GOLGA2: variants seen among roughly 807,000 people sequenced by gnomAD.
GOLGA2 encodes golgin subfamily A member 2.
GOLGA2 carries 49 observed loss-of-function variants against 148.8 expected under a neutral mutation model. That is an observed-to-expected ratio of 0.33 (90% CI 0.26 to 0.42). The LOEUF is 0.42. Ranked by LOEUF, GOLGA2 falls within the 10% of genes least tolerant of loss-of-function variation. The pLI, the probability that GOLGA2 is intolerant of heterozygous loss-of-function variation, is 1.00. For synonymous variants in GOLGA2, 501 were observed against 511.8 expected, an observed-to-expected ratio of 0.98 and a Z score of 0.28; for missense variants, 1,178 against 1,304.6, an observed-to-expected ratio of 0.90 and a Z score of 1.49.
rs1252090961 is a variant in GOLGA2 at position 128,258,585 on chromosome 9, A to G, written c.2174-15T>C. On this transcript the variant is annotated splice_polypyrimidine_tract_variant and intron_variant, in intron 21 of 26. Coordinates refer to ENST00000611957, the MANE Select transcript of GOLGA2 (RefSeq NM_001366244.2). This position sits in a 1 kb window ranked among gnomAD's most constrained non-coding sequence, Gnocchi z 6.6. ...CAGTCCATCTCCTATGGGGGTGGCC[A>G]GAGGGGTCATCAGACAACCCAACAA... 2.6e-6 allele frequency: 4 copies of G among 1,544,462 alleles called. No individual in the cohort carries two copies. Among genetic ancestry groups the G allele is most frequent in the Non-Finnish European group, 2.6e-6 (3 of 1,142,330 alleles).
chr9:128,257,818 G>A lies in GOLGA2; in HGVS notation c.2583C>T (p.Ile861=). The part of the protein sequence containing the change: ...ERVEELEHRC[I]QLSGETDTIG... Reference sequence around the variant, plus strand: ...TGGTGTCTGTCTCTCCAGAAAGCTGGATGCAGCGATGTTCCAGTTCCTCTA... The same window carrying A: ...TGGTGTCTGTCTCTCCAGAAAGCTGAATGCAGCGATGTTCCAGTTCCTCTA... The change falls in exon 24 of 27, where the codon ATC becomes ATT. Residue 861 remains isoleucine, a synonymous_variant. Transcript: ENST00000611957. This position sits in a 1 kb window ranked among gnomAD's most constrained non-coding sequence, Gnocchi z 8.0. 6.2e-7 allele frequency: 1 copy of A among 1,614,098 alleles called. No individual in the cohort carries two copies. Among genetic ancestry groups the A allele is most frequent in the Non-Finnish European group, 8.5e-7 (1 of 1,179,960 alleles).
intron 5 of GOLGA2, 34 bp from the exon 6 acceptor site, chr9:128,268,031 G>A: frequency 6.2e-7 from 1 of 1,607,446 alleles, no homozygotes; most frequent in Non-Finnish European, 8.5e-7. Context: ...AGGGGTGCAG[G>A]TGGCTCAATG....
chr9:128,266,857 T>C lies in GOLGA2; in HGVS notation c.642+337A>G, dbSNP rs1359715031. On this transcript the variant is annotated intron_variant, in intron 8 of 26. Transcript: ENST00000611957. The surrounding 1 kb of genome is among the most constrained non-coding windows in gnomAD (Gnocchi z 4.2). Reference sequence around the variant, plus strand: ...AGGAGGAGAGGTGGCTTGTCCCAAATCAAAGAGCAAATTAAGGACTGAGTC... The same window carrying C: ...AGGAGGAGAGGTGGCTTGTCCCAAACCAAAGAGCAAATTAAGGACTGAGTC... The C allele has an allele frequency of 4.7e-6, 2 of 424,446 alleles. No homozygotes were observed. The highest frequency in any genetic ancestry group is 8.0e-5 in the Admixed American group (2 of 25,104). The allele number at this position is 424,446 out of a possible 1,614,324, so 26.3% of individuals were successfully genotyped here.
Position 128,266,358 on chromosome 9 carries a change from G to T in GOLGA2, c.643-33C>A. 1 of 1,600,218 alleles carries T rather than the reference G, an allele frequency of 6.2e-7. No individual in the cohort carries two copies. ...GAAGAGTCAAAGGAAGGTGACTGAGGGTGGCCCCCTCAACTCTATTCCCCA... is the reference window on the plus strand; with the variant it reads ...GAAGAGTCAAAGGAAGGTGACTGAGTGTGGCCCCCTCAACTCTATTCCCCA... On this transcript the variant is annotated intron_variant, in intron 8 of 26. Coordinates refer to ENST00000611957, the MANE Select transcript of GOLGA2 (RefSeq NM_001366244.2). The surrounding 1 kb of genome is among the most constrained non-coding windows in gnomAD (Gnocchi z 4.2).
In GOLGA2 at chr9:128,260,528, T is replaced by C. The variant is rs1279172775; in HGVS notation, c.1695A>G (p.Ala565=). ...MQNDRTTISR[A]LSQNRELKEQ... is the part of the protein sequence containing the mutation. Reference sequence around the variant, plus strand: ...CCTTGAGCTCCCGGTTCTGGGAGAGTGCGCGGCTGATGGTAGTGCGGTCGT... The same window carrying C: ...CCTTGAGCTCCCGGTTCTGGGAGAGCGCGCGGCTGATGGTAGTGCGGTCGT... The change falls in exon 18 of 27, where the codon GCA becomes GCG. Residue 565 remains alanine (A), a synonymous_variant. Transcript: ENST00000611957. The surrounding 1 kb of genome is among the most constrained non-coding windows in gnomAD (Gnocchi z 4.8). 7 of 1,613,278 alleles carry C rather than the reference T, an allele frequency of 4.3e-6. No homozygotes were observed. Among genetic ancestry groups the C allele is most frequent in the Admixed American group, 1.7e-5 (1 of 60,006 alleles).
In GOLGA2 at chr9:128,258,516, GCCTCCTCCTCCTCCTCCTCCTCAT is replaced by G. The variant is rs1588477309; in HGVS notation, c.2204_2227del (p.Asp735_Glu742del). 2.1e-5 allele frequency: 34 copies of G among 1,588,470 alleles called. 2 individuals carry two copies. The South Asian group carries it at 2.3e-4, about 11-fold the overall frequency. On this transcript the variant is annotated inframe_deletion, in exon 22 of 27. Transcript: ENST00000611957. The surrounding 1 kb of genome is among the most constrained non-coding windows in gnomAD (Gnocchi z 6.6). ...TGGCATGGGCTGAGGTACTGCCACC[GCCTCCTCCTCCTCCTCCTCCTCAT>G]CCTCCTCCTCCTCCCGGTCCAGTCC...
At chr9:128,274,744 T>A (rs1472880496) in intron 1 of GOLGA2, among the ~76,000 whole-genome samples, 1 of 152,206 alleles carries the variant, frequency 6.6e-6, no homozygotes, top group East Asian at 1.9e-4. Flanking sequence ...TCTGGTATAC[T>A]CTTAGAAATT....
chr9:128,260,213 G>A lies in GOLGA2; in HGVS notation c.1759-24C>T, dbSNP rs777373664. The A allele has an allele frequency of 2.2e-5, 33 of 1,532,404 alleles. No individual in the cohort carries two copies. Among genetic ancestry groups the A allele is most frequent in the East Asian group, 2.0e-4 (9 of 44,536 alleles). 94.9% of individuals were successfully genotyped at this position (1,532,404 alleles called of 1,614,324 possible). Reference sequence around the variant, plus strand: ...GTCTGGACAGAGAGAAGCAATCAGCGGCCACCCACTGCAGCTGGAGACCCC... The same window carrying A: ...GTCTGGACAGAGAGAAGCAATCAGCAGCCACCCACTGCAGCTGGAGACCCC... On this transcript the variant is annotated intron_variant, in intron 18 of 26. Transcript: ENST00000611957. This position sits in a 1 kb window ranked among gnomAD's most constrained non-coding sequence, Gnocchi z 4.8.
In GOLGA2 at chr9:128,260,545, T is replaced by C. The variant is rs1433038503; in HGVS notation, c.1678A>G (p.Thr560Ala). ...TGGGAGAGTGCGCGGCTGATGGTAG[T>C]GCGGTCGTTCTGCATGGTCTCCAGG... ...QILETMQNDR[T>A]TISRALSQNR... Residue 560 changes from threonine (T) to alanine (A), a missense_variant, in exon 18 of 27, where the codon ACT becomes GCT. Thr to Ala is a moderately conservative substitution (Grantham distance 58, BLOSUM62 0). This residue lies in a region of GOLGA2 where 529 missense variants were observed against 521.8 expected (regional missense o/e 1.01). Transcript: ENST00000611957. The surrounding 1 kb of genome is among the most constrained non-coding windows in gnomAD (Gnocchi z 4.8). 1 of 1,613,218 alleles carries C rather than the reference T, an allele frequency of 6.2e-7. No homozygotes were observed. Among genetic ancestry groups the C allele is most frequent in the Admixed American group, 1.7e-5 (1 of 60,034 alleles).
At position 128,260,530 on chromosome 9, in the gene GOLGA2, C is replaced by A. The variant is rs748315189; in HGVS notation, c.1693G>T (p.Ala565Ser). 2 of 1,613,334 alleles carry A rather than the reference C, an allele frequency of 1.2e-6. No individual in the cohort carries two copies. The highest frequency in any genetic ancestry group is 1.7e-6 in the Non-Finnish European group (2 of 1,179,976). The change falls in exon 18 of 27, where the codon GCA (alanine) becomes TCA (serine). Residue 565 changes from alanine (A) to serine (S), a missense_variant. This residue lies in a region of GOLGA2 where 529 missense variants were observed against 521.8 expected (regional missense o/e 1.01). Transcript: ENST00000611957. This position sits in a 1 kb window ranked among gnomAD's most constrained non-coding sequence, Gnocchi z 4.8. ...TTGAGCTCCCGGTTCTGGGAGAGTG[C>A]GCGGCTGATGGTAGTGCGGTCGTTC... Reference protein sequence around the residue: ...MQNDRTTISRALSQNRELKEQ... With the variant: ...MQNDRTTISRSLSQNRELKEQ...
rs1291869971 is a variant in GOLGA2 at position 128,258,022 on chromosome 9, C to A, written c.2466G>T (p.Gly822=). ...CCCCCTGCAGGGCCCGGTGGGTCTCCCCACACACAGAATCACCCCCGGTCC... is the reference window on the plus strand; with the variant it reads ...CCCCCTGCAGGGCCCGGTGGGTCTCACCACACACAGAATCACCCCCGGTCC... ...APGTGGDSVC[G]ETHRALQGAM... The change falls in exon 23 of 27, where the codon GGG becomes GGT. Residue 822 remains glycine, a synonymous_variant. Coordinates refer to ENST00000611957, the MANE Select transcript of GOLGA2 (RefSeq NM_001366244.2). The surrounding 1 kb of genome is among the most constrained non-coding windows in gnomAD (Gnocchi z 6.6). The A allele has an allele frequency of 6.2e-7, 1 of 1,611,922 alleles. No individual in the cohort carries two copies. Among genetic ancestry groups the A allele is most frequent in the African/African-American group, 1.3e-5 (1 of 74,876 alleles).
intron 3 of GOLGA2, among the ~76,000 whole-genome samples, chr9:128,269,713 A>T (rs1830817427): frequency 6.6e-6 from 1 of 152,210 alleles, no homozygotes; most frequent in South Asian, 2.1e-4. Context: ...TGGACAAGAG[A>T]AAAACACCAG....
chr9:128,271,215 A>G lies in GOLGA2; in HGVS notation c.288+1570T>C, dbSNP rs1588491709. On this transcript the variant is annotated intron_variant, in intron 3 of 26. Transcript: ENST00000611957. This position sits in a 1 kb window ranked among gnomAD's most constrained non-coding sequence, Gnocchi z 4.4. ...AGCCAAATGCTTTTGGCTGCAGGTC[A>G]CCTCTAAGCCTGTGCTCCCCAGCCG... Among the ~76,000 whole-genome samples the G allele has an allele frequency of 6.6e-6, 1 of 152,094 alleles. No homozygotes were observed. Among genetic ancestry groups the G allele is most frequent in the Non-Finnish European group, 1.5e-5 (1 of 68,002 alleles).
rs756317048 is a variant in GOLGA2, at chr9:128,257,107, C to T, written c.3050G>A (p.Arg1017Gln). ...GSNPCIPFFYRADENDEVKIT... is the reference protein window; with the variant it reads ...GSNPCIPFFYQADENDEVKIT... Reference sequence around the variant, plus strand: ...CTTCACCTCATCATTCTCGTCAGCCCGGTAAAAAAAAGGAATGCAGGGGTT... The same window carrying T: ...CTTCACCTCATCATTCTCGTCAGCCTGGTAAAAAAAAGGAATGCAGGGGTT... The change falls in exon 27 of 27, where the codon CGG (arginine) becomes CAG (glutamine). Residue 1017 changes from arginine to glutamine, a missense_variant. Arg to Gln is a conservative substitution (Grantham distance 43, BLOSUM62 1). Around this residue, in one of 5 missense-constraint regions of GOLGA2, gnomAD observed 149 missense variants for 154.9 expected, o/e 0.96. Transcript: ENST00000611957. This position sits in a 1 kb window ranked among gnomAD's most constrained non-coding sequence, Gnocchi z 8.0. The T allele has an allele frequency of 3.1e-6, 5 of 1,613,954 alleles. No individual in the cohort carries two copies. The highest frequency in any genetic ancestry group is 1.7e-4 in the Middle Eastern group (1 of 6,058).
rs750162676 is a variant in GOLGA2, at chr9:128,267,482, C to T, written c.537G>A (p.Ser179=). The T allele has an allele frequency of 9.9e-6, 16 of 1,613,524 alleles. No individual in the cohort carries two copies. Among genetic ancestry groups the T allele is most frequent in the South Asian group, 3.3e-5 (3 of 91,064 alleles). The part of the protein sequence containing the change: ...ATCVNGEGPA[S]SANLKDLESR... The stretch of plus-strand genomic sequence containing the variant: ...CCTCCAGATCCTTCAGGTTAGCAGA[C>T]GATGCAGGGCCCTCCCCATTGACAC... The change falls in exon 7 of 27, where the codon TCG becomes TCA. Residue 179 remains serine, a synonymous_variant. Transcript: ENST00000611957.
Position 128,275,373 on chromosome 9 carries a change from G to A in GOLGA2, c.84+520C>T, listed in dbSNP as rs575520715. On this transcript the variant is annotated intron_variant, in intron 1 of 26. Coordinates refer to ENST00000611957, the MANE Select transcript of GOLGA2 (RefSeq NM_001366244.2). ...CGTCACTACATTCCACTCCTAGGGG[G>A]AACATCAGCGCGACGTCCAAGTCGC... The A allele has an allele frequency of 3.0e-5, 39 of 1,282,554 alleles. No individual in the cohort carries two copies. The African/African-American group carries it at 5.9e-4, about 19-fold the overall frequency. 79.4% of individuals were successfully genotyped at this position (1,282,554 alleles called of 1,614,324 possible).
chr9:128,275,586 T>G, intron 1 of GOLGA2: 1 of 1,051,904 alleles, frequency 9.5e-7, no homozygotes, highest in Non-Finnish European at 1.3e-6. Context: ...GGGTCCTAGG[T>G]CCTTGGAGAC....
Position 128,258,309 on chromosome 9 carries a change from AAG to A in GOLGA2, c.2290-113_2290-112del. 1 of 1,132,764 alleles carries A rather than the reference AAG, an allele frequency of 8.8e-7. No homozygotes were observed. Among genetic ancestry groups the A allele is most frequent in the East Asian group, 2.4e-5 (1 of 41,362 alleles). 70.2% of individuals were successfully genotyped at this position (1,132,764 alleles called of 1,614,324 possible). On this transcript the variant is annotated intron_variant, in intron 22 of 26. Coordinates refer to ENST00000611957, the MANE Select transcript of GOLGA2 (RefSeq NM_001366244.2). The surrounding 1 kb of genome is among the most constrained non-coding windows in gnomAD (Gnocchi z 6.6). The stretch of plus-strand genomic sequence containing the variant: ...CTCAGAGGGTGCACTTGTTGGTCCC[AAG>A]TGAAATGGTGTCTCACCACTGGCTC...
Position 128,258,892 on chromosome 9 carries a change from T to C in GOLGA2, c.2173+115A>G, listed in dbSNP as rs1028725814. 2.1e-5 allele frequency: 16 copies of C among 780,288 alleles called. No homozygotes were observed. The highest frequency in any genetic ancestry group is 2.6e-5 in the Non-Finnish European group (12 of 456,392). 48.3% of individuals were successfully genotyped at this position (780,288 alleles called of 1,614,324 possible). A position where few individuals can be genotyped will look rare whatever the true frequency, so the allele number is the denominator to read the frequency against. On this transcript the variant is annotated intron_variant, in intron 21 of 26. Coordinates refer to ENST00000611957, the MANE Select transcript of GOLGA2 (RefSeq NM_001366244.2). This position sits in a 1 kb window ranked among gnomAD's most constrained non-coding sequence, Gnocchi z 6.6. Reference sequence around the variant, plus strand: ...TGCCGAACTTAGTGTGGACACCCAGTTGGCATAATGACCAGCTGTTCTAAA... The same window carrying C: ...TGCCGAACTTAGTGTGGACACCCAGCTGGCATAATGACCAGCTGTTCTAAA...
Sources: gnomAD v4.1 joint callset for allele counts (sites outside exome capture counted in the v4.1 genomes callset) on GRCh38, gnomAD v4.1.1 for gene constraint, gnomAD v4.1.1 regional missense constraint, Gnocchi (gnomAD v3.1) non-coding constraint, MANE v1.5 for transcripts, NCBI Gene and HGNC (gene_info 2026-07-23, HGNC 2026-07-21) for gene names.